Variants in TSPAN15 observed in about 807,000 individuals in gnomAD.
The protein encoded by TSPAN15 is tetraspanin-15.
In TSPAN15, 20 loss-of-function variants were observed where a neutral mutation model predicts 34.5. The observed-to-expected ratio is 0.58, with a 90% CI of 0.41 to 0.84. TSPAN15 has a LOEUF of 0.84. TSPAN15 is among the 40% of genes least tolerant of loss of function. The pLI is 0.00. For missense variants in TSPAN15, 313 were observed against 386.1 expected (o/e 0.81, Z 1.59); for synonymous variants, 155 against 153.9 (o/e 1.01, Z -0.05).
the TSPAN15 span, among the ~76,000 whole-genome samples, chr10:69,539,536 A>AAGAAGG: frequency 2.8e-5 from 2 of 71,514 alleles, no homozygotes; most frequent in South Asian, 4.6e-4. Context: ...GAAGAAGAAG[A>AAGAAGG]AGGAGAAGGA....
chr10:69,531,910 C>G, the TSPAN15 span, among the ~76,000 whole-genome samples: 4 of 148,022 alleles, frequency 2.7e-5, no homozygotes, highest in East Asian at 8.1e-4. Flanking sequence ...TTTTACATAG[C>G]TGCAAAACAA....
At chr10:69,530,585 C>T in the TSPAN15 span, among the ~76,000 whole-genome samples, 1 of 145,922 alleles carries the variant, frequency 6.9e-6, no homozygotes, top group African/African-American at 2.5e-5. Flanking sequence ...GCAGGTGGAT[C>T]ATTTGAGGTC....
intron 1 of TSPAN15, among the ~76,000 whole-genome samples, chr10:69,469,328 A>C (rs1452384070): frequency 6.6e-6 from 1 of 152,188 alleles, no homozygotes; most frequent in African/African-American, 2.4e-5. Context: ...TAATATAAGT[A>C]ACCCTGAGTT....
At chr10:69,530,808 CTCTCTCTCTCTCTATATATATATA>C in the TSPAN15 span, among the ~76,000 whole-genome samples, 116 of 69,090 alleles carry the variant, frequency 1.7e-3, 1 homozygote, top group South Asian at 6.3e-3. Flanking sequence ...CTCTCTCTCT[CTCTCTCTCTCTCTATATATATATA>C]TATATATATA....
chr10:69,538,050 C>A, the TSPAN15 span, among the ~76,000 whole-genome samples: 2 of 152,200 alleles, frequency 1.3e-5, no homozygotes, highest in Non-Finnish European at 2.9e-5. Context: ...AGAGGAAGCC[C>A]TGGAGTCTCT....
At chr10:69,515,480 A>G in the TSPAN15 span, among the ~76,000 whole-genome samples, 5 of 149,994 alleles carry the variant, frequency 3.3e-5, no homozygotes, top group African/African-American at 7.6e-5. Flanking sequence ...GCTCATTTCA[A>G]TTCGGTGTGT....
chr10:69,517,458 G>A, the TSPAN15 span, among the ~76,000 whole-genome samples: 1 of 152,214 alleles, frequency 6.6e-6, no homozygotes, highest in African/African-American at 2.4e-5. Flanking sequence ...AGGCTGACAA[G>A]GGCTCCACTG....
At chr10:69,474,156 C>T (rs750653568) in intron 1 of TSPAN15, among the ~76,000 whole-genome samples, 1 of 151,100 alleles carries the variant, frequency 6.6e-6, no homozygotes, top group Non-Finnish European at 1.5e-5. Context: ...TCTGCCCACC[C>T]TCCTCCCCCC....
At chr10:69,526,149 T>C in the TSPAN15 span, among the ~76,000 whole-genome samples, 2 of 147,428 alleles carry the variant, frequency 1.4e-5, no homozygotes, top group Admixed American at 7.0e-5. Flanking sequence ...ACCACAGATA[T>C]TGAAGAGATG....
At chr10:69,519,785 T>G in the TSPAN15 span, among the ~76,000 whole-genome samples, 1 of 152,188 alleles carries the variant, frequency 6.6e-6, no homozygotes, top group Admixed American at 6.5e-5. Flanking sequence ...CAGGCTAGAG[T>G]GCAATGGCGT....
chr10:69,479,526 C>T (rs956031353), intron 1 of TSPAN15, among the ~76,000 whole-genome samples: 2 of 152,212 alleles, frequency 1.3e-5, no homozygotes, highest in Non-Finnish European at 2.9e-5. Flanking sequence ...CCGTGTGCCC[C>T]CCACCCCCAG....
chr10:69,465,166 C>T (rs1010402520), intron 1 of TSPAN15, among the ~76,000 whole-genome samples: 1 of 152,210 alleles, frequency 6.6e-6, no homozygotes, highest in African/African-American at 2.4e-5. Flanking sequence ...CCAGAGTCTC[C>T]CAGGAGGCTG....
rs145201193 is a variant in TSPAN15, at chr10:69,498,378, C to G, written c.552C>G (p.Thr184=). 1.2e-6 allele frequency: 2 copies of G among 1,613,848 alleles called. No homozygotes were observed. Among genetic ancestry groups the G allele is most frequent in the African/African-American group, 1.3e-5 (1 of 74,910 alleles). The change falls in exon 5 of 8, where the codon ACC becomes ACG. Residue 184 remains threonine, a synonymous_variant. Transcript: ENST00000373290. ...CCCTGGCCTGTGGGGTGCCCTACAC[C>G]TGCTGCATCAGGAACACGGTAGACA... ...PGPLACGVPY[T]CCIRNTTEVV...
chr10:69,484,668 G>A (rs1841811042), intron 2 of TSPAN15, among the ~76,000 whole-genome samples: 1 of 152,236 alleles, frequency 6.6e-6, no homozygotes, highest in African/African-American at 2.4e-5. Context: ...GTAAAGGGCA[G>A]AGGTGGGGGT....
the TSPAN15 span, among the ~76,000 whole-genome samples, chr10:69,529,318 T>C: frequency 6.8e-6 from 1 of 147,954 alleles, no homozygotes; most frequent in Non-Finnish European, 1.5e-5. Flanking sequence ...ACCCCATGGC[T>C]CATCCCCGCT....
chr10:69,534,466 G>C, the TSPAN15 span, among the ~76,000 whole-genome samples: 1 of 152,158 alleles, frequency 6.6e-6, no homozygotes, highest in East Asian at 1.9e-4. Context: ...GGGGCACAAG[G>C]AGAATGAAAG....
intron 3 of TSPAN15, chr10:69,494,998 C>A: frequency 4.2e-6 from 2 of 475,180 alleles, no homozygotes; most frequent in Non-Finnish European, 5.5e-6. Flanking sequence ...CGAGGGGGAC[C>A]GAGTGCTGCA....
At chr10:69,486,639 A>C (rs1366565580) in intron 3 of TSPAN15, among the ~76,000 whole-genome samples, 1 of 152,166 alleles carries the variant, frequency 6.6e-6, no homozygotes, top group Non-Finnish European at 1.5e-5. Context: ...CTCTTAAGGC[A>C]GCAGGTGCTG....
At chr10:69,455,547 T>TCTCCTC (rs1554830512) in intron 1 of TSPAN15, among the ~76,000 whole-genome samples, 3 of 130,472 alleles carry the variant, frequency 2.3e-5, no homozygotes, top group Admixed American at 1.5e-4. Flanking sequence ...TCTTTCTTTC[T>TCTCCTC]TCTCTCTCTC....
Sources: allele counts gnomAD v4.1 joint callset (sites outside exome capture counted in the v4.1 genomes callset), GRCh38; gene constraint gnomAD v4.1.1; transcripts MANE v1.5; gene names NCBI Gene and HGNC (gene_info 2026-07-23, HGNC 2026-07-21).